The following TENM1 variants were observed in gnomAD, a reference collection of about 807,000 sequenced individuals.
The protein encoded by TENM1 is teneurin transmembrane protein 1, also known as teneurin-1.
A neutral mutation model predicts 174.8 loss-of-function variants in TENM1; 35 were observed. The observed-to-expected ratio is 0.20, with a 90% CI of 0.15 to 0.27. The LOEUF is 0.27. TENM1 is among the 10% of genes least tolerant of loss of function. The pLI is 1.00. For missense variants in TENM1, 1,633 were observed against 2,130.1 expected (o/e 0.77, Z 4.59); for synonymous variants, 781 against 798.7 (o/e 0.98, Z 0.37).
At chrX:125,157,530 C>T in the TENM1 span, among the ~76,000 whole-genome samples, 17 of 112,064 alleles carry the variant, frequency 1.5e-4, no homozygotes, top group Non-Finnish European at 2.4e-4. Context: ...ATACACTATG[C>T]ATGTGTAATA....
the TENM1 span, among the ~76,000 whole-genome samples, chrX:125,031,649 A>C: frequency 8.9e-6 from 1 of 112,132 alleles, no homozygotes; most frequent in African/African-American, 3.2e-5. Context: ...GATTATATTG[A>C]GTTAATATAG....
chrX:124,580,905 C>G (rs749603421), intron 11 of TENM1, among the ~76,000 whole-genome samples: 1 of 109,342 alleles, frequency 9.1e-6, no homozygotes, highest in South Asian at 4.0e-4. Context: ...TTCCCAGTGT[C>G]TTTTGTTGCC....
At chrX:124,763,232 C>T (rs2054461767) in intron 3 of TENM1, among the ~76,000 whole-genome samples, 1 of 110,836 alleles carries the variant, frequency 9.0e-6, no homozygotes, top group Admixed American at 9.7e-5. Context: ...AGGGAAATGG[C>T]CCTAATGAAA....
chrX:124,480,968 C>A (rs1157098968), intron 22 of TENM1, among the ~76,000 whole-genome samples: 2 of 111,164 alleles, frequency 1.8e-5, no homozygotes, highest in African/African-American at 6.5e-5. Context: ...CTAAGATTGG[C>A]ATATGATCCA....
chrX:124,483,600 C>A (rs140447391), intron 21 of TENM1, among the ~76,000 whole-genome samples: 3 of 112,616 alleles, frequency 2.7e-5, no homozygotes, highest in African/African-American at 6.5e-5. Flanking sequence ...AAGGCCTCAT[C>A]ATCTCTCATC....
At chrX:124,825,690 T>C (rs1464592189) in intron 3 of TENM1, among the ~76,000 whole-genome samples, 2 of 112,211 alleles carry the variant, frequency 1.8e-5, no homozygotes, top group East Asian at 5.5e-4. Context: ...TTATATATGT[T>C]TGCATAATAT....
intron 15 of TENM1, among the ~76,000 whole-genome samples, chrX:124,539,265 C>G (rs750996348): frequency 1.8e-5 from 2 of 111,714 alleles, no homozygotes; most frequent in Non-Finnish European, 3.8e-5. Flanking sequence ...ATCTAATATA[C>G]AGATGAATGC....
At chrX:124,967,877 A>C (rs1236002153), upstream of TENM1, among the ~76,000 whole-genome samples, 1 of 111,936 alleles carries the variant, frequency 8.9e-6, no homozygotes, top group Non-Finnish European at 1.9e-5. Flanking sequence ...GGTCATCATC[A>C]CAATGACCAA....
chrX:124,971,221 C>T, the TENM1 span, among the ~76,000 whole-genome samples: 1 of 109,328 alleles, frequency 9.1e-6, no homozygotes, highest in Admixed American at 9.7e-5. Flanking sequence ...ACCAACATGG[C>T]ACATGTATAC....
intron 15 of TENM1, among the ~76,000 whole-genome samples, chrX:124,542,643 A>G (rs1374684556): frequency 1.8e-5 from 2 of 111,288 alleles, no homozygotes; most frequent in Non-Finnish European, 3.8e-5. Flanking sequence ...ATTCCTGCGA[A>G]CATACACATT....
intron 3 of TENM1, among the ~76,000 whole-genome samples, chrX:124,823,675 C>A (rs1000878822): frequency 5.5e-5 from 6 of 109,359 alleles, no homozygotes; most frequent in African/African-American, 2.0e-4. Context: ...TTAAAATTTA[C>A]AAAAGTAATA....
intron 27 of TENM1, among the ~76,000 whole-genome samples, chrX:124,400,507 C>T (rs2060387011): frequency 8.9e-6 from 1 of 112,301 alleles, no homozygotes; most frequent in Non-Finnish European, 1.9e-5. Flanking sequence ...TTAGATAAGT[C>T]CTTGCTTCAT....
At chrX:124,636,236 G>T (rs1274798277) in intron 11 of TENM1, among the ~76,000 whole-genome samples, 1 of 112,011 alleles carries the variant, frequency 8.9e-6, no homozygotes, top group African/African-American at 3.2e-5. Flanking sequence ...TCAATTAAAA[G>T]TCTGCACAGT....
At chrX:124,867,001 T>TA (rs759136946) in intron 3 of TENM1, among the ~76,000 whole-genome samples, 52 of 110,934 alleles carry the variant, frequency 4.7e-4, no homozygotes, top group African/African-American at 1.5e-3. Context: ...GATGCTGTAA[T>TA]AAAAAATCTC....
the TENM1 span, among the ~76,000 whole-genome samples, chrX:125,128,115 CTTTT>C: frequency 9.0e-6 from 1 of 111,709 alleles, no homozygotes; most frequent in African/African-American, 3.3e-5. Flanking sequence ...TCCTTCCTTC[CTTTT>C]TTCTTTCCCT....
At chrX:124,866,159 A>G (rs955244487) in intron 3 of TENM1, among the ~76,000 whole-genome samples, 2 of 112,156 alleles carry the variant, frequency 1.8e-5, no homozygotes, top group African/African-American at 6.5e-5. Context: ...GACCACATGG[A>G]TGTAATAGAT....
chrX:125,035,668 G>A, the TENM1 span, among the ~76,000 whole-genome samples: 1 of 111,735 alleles, frequency 8.9e-6, no homozygotes. Flanking sequence ...TGAAAAGGAA[G>A]TGCTAGTTCT....
At chrX:124,785,443 T>C (rs1298622810) in intron 3 of TENM1, among the ~76,000 whole-genome samples, 1 of 111,872 alleles carries the variant, frequency 8.9e-6, no homozygotes, top group Non-Finnish European at 1.9e-5. Flanking sequence ...CAGAGTTTGG[T>C]CTTCCAACTA....
At chrX:124,625,945 T>C (rs1295002315) in intron 11 of TENM1, among the ~76,000 whole-genome samples, 1 of 111,425 alleles carries the variant, frequency 9.0e-6, no homozygotes, top group Non-Finnish European at 1.9e-5. Context: ...AATACCTATG[T>C]TCAACAGCTT....
Sources: allele counts gnomAD v4.1 joint callset (sites outside exome capture counted in the v4.1 genomes callset), GRCh38; gene constraint gnomAD v4.1.1; transcripts MANE v1.5; gene names NCBI Gene and HGNC (gene_info 2026-07-23, HGNC 2026-07-21).